The following UHRF1 variants were observed in gnomAD, a reference collection of about 807,000 sequenced individuals.
The protein encoded by UHRF1 is E3 ubiquitin-protein ligase UHRF1.
UHRF1 carries 9 observed loss-of-function variants against 96.5 expected under a neutral mutation model. The ratio of observed to expected loss-of-function variants is 0.09; its 90% CI spans 0.06 to 0.16. The LOEUF is 0.16. Ranked by LOEUF, UHRF1 falls within the 10% of genes least tolerant of loss-of-function variation. The pLI, the probability that UHRF1 is intolerant of heterozygous loss-of-function variation, is 1.00. For synonymous variants in UHRF1, 455 were observed against 469.9 expected (o/e 0.97, Z 0.41); for missense variants, 626 against 1,131.1 (o/e 0.55, Z 6.40).
rs1256569264 is a variant in UHRF1, at chr19:4,930,290, T to C, written c.409-426T>C. Reference sequence around the variant, plus strand: ...GCACCCAGTCTGTTTTATTTTTTAGTAGACACAGCGTCTTACCATGTTGCC... The same window carrying C: ...GCACCCAGTCTGTTTTATTTTTTAGCAGACACAGCGTCTTACCATGTTGCC... On this transcript the variant is annotated intron_variant, in intron 3 of 16. Transcript: ENST00000650932. The surrounding 1 kb of genome is among the most constrained non-coding windows in gnomAD (Gnocchi z 4.4). Among the ~76,000 whole-genome samples, 1 of 152,226 alleles carries C rather than the reference T, an allele frequency of 6.6e-6. No homozygotes were observed. The highest frequency in any genetic ancestry group is 1.5e-5 in the Non-Finnish European group (1 of 68,038).
chr19:4,941,920 C>G lies in UHRF1; in HGVS notation c.1062C>G (p.Ser354Arg). The G allele has an allele frequency of 6.6e-7, 1 of 1,515,258 alleles. No individual in the cohort carries two copies. The highest frequency in any genetic ancestry group is 8.8e-7 in the Non-Finnish European group (1 of 1,131,162). The allele number at this position is 1,515,258 out of a possible 1,614,324, so 93.9% of individuals were successfully genotyped here. A position where few individuals can be genotyped will look rare whatever the true frequency, so the allele number is the denominator to read the frequency against. The change falls in exon 7 of 17, where the codon AGC becomes AGG. Residue 354 changes from serine to arginine, a missense_variant. Around this residue, in one of 11 missense-constraint regions of UHRF1, gnomAD observed 69 missense variants for 159.8 expected, o/e 0.43. Transcript: ENST00000650932. ...CLDPPLSSVP[S>R]EDEWYCPECR... ...ACCCGCCCCTCAGCAGTGTTCCCAG[C>G]GAGGACGAGTGGTGAGTGCGGCCCT...
chr19:4,951,036 G>T, intron 13 of UHRF1, 40 bp downstream of exon 13: 2 of 1,546,572 alleles, frequency 1.3e-6, no homozygotes, highest in South Asian at 1.2e-5. Flanking sequence ...GGAGGCCAAG[G>T]CGGATGGATC....
intron 15 of UHRF1, among the ~76,000 whole-genome samples, chr19:4,956,463 C>T (rs186485259): frequency 7.9e-4 from 121 of 152,350 alleles, no homozygotes; most frequent in Non-Finnish European, 1.6e-3. Context: ...TTGAGGCTGG[C>T]GCCCTTGTAC....
chr19:4,954,575 A>G lies in UHRF1; in HGVS notation c.1958-75A>G. Reference sequence around the variant, plus strand: ...CGGGTGTGGGGTTGAGGTCGTGTGGACGTGGGAGCCGGTGGCTGTCTCTCC... The same window carrying G: ...CGGGTGTGGGGTTGAGGTCGTGTGGGCGTGGGAGCCGGTGGCTGTCTCTCC... On this transcript the variant is annotated intron_variant, in intron 14 of 16. Transcript: ENST00000650932. This position sits in a 1 kb window ranked among gnomAD's most constrained non-coding sequence, Gnocchi z 5.9. 2.5e-6 allele frequency: 4 copies of G among 1,589,266 alleles called. No individual in the cohort carries two copies. Among genetic ancestry groups the G allele is most frequent in the Non-Finnish European group, 3.4e-6 (4 of 1,166,430 alleles).
chr19:4,930,881 G>A lies in UHRF1; in HGVS notation c.569+5G>A. 1 of 1,613,734 alleles carries A rather than the reference G, an allele frequency of 6.2e-7. No homozygotes were observed. Among genetic ancestry groups the A allele is most frequent in the Non-Finnish European group, 8.5e-7 (1 of 1,179,770 alleles). ...TTACCACGTGAAATACGACGAGTGA[G>A]TCATGGCAGGTGGGCGGGCCTGGGT... On this transcript the variant is annotated splice_donor_5th_base_variant and intron_variant, in intron 4 of 16. Transcript: ENST00000650932. The surrounding 1 kb of genome is among the most constrained non-coding windows in gnomAD (Gnocchi z 4.4).
intron 15 of UHRF1, among the ~76,000 whole-genome samples, chr19:4,955,170 GC>G (rs2033825179): frequency 6.6e-6 from 1 of 152,098 alleles, no homozygotes; most frequent in Admixed American, 6.5e-5. Context: ...GTGACCCCAA[GC>G]CTAGGAGTGC....
chr19:4,933,345 A>G (rs1002061900), intron 5 of UHRF1, among the ~76,000 whole-genome samples: 9 of 151,986 alleles, frequency 5.9e-5, no homozygotes, highest in Non-Finnish European at 1.3e-4. Flanking sequence ...CCTCCCGAGT[A>G]GCTGGGACTA....
intron 2 of UHRF1, 110 bp from the exon 3 acceptor site, chr19:4,929,112 G>GC (rs5826865): frequency 0.2 from 262,337 of 1,280,324 alleles, 9,470 homozygotes; most frequent in Non-Finnish European, 0.22. Flanking sequence ...GATGCAGATT[G>GC]CCCCCCCCCC....
intron 2 of UHRF1, among the ~76,000 whole-genome samples, chr19:4,918,320 C>T (rs1288543706): frequency 1.3e-5 from 2 of 151,920 alleles, no homozygotes; most frequent in African/African-American, 4.8e-5. Context: ...CGGGGTTTCA[C>T]CACGTTGGCC....
intron 1 of UHRF1, among the ~76,000 whole-genome samples, chr19:4,904,439 A>G (rs2032022050): frequency 6.6e-6 from 1 of 152,148 alleles, no homozygotes; most frequent in African/African-American, 2.4e-5. Flanking sequence ...TTGGCCTCCC[A>G]AAGTGCTGGG....
chr19:4,953,403 G>A (rs1382642364), intron 13 of UHRF1, among the ~76,000 whole-genome samples: 1 of 152,076 alleles, frequency 6.6e-6, no homozygotes, highest in African/African-American at 2.4e-5. Context: ...CCTCTCTTTC[G>A]CATCTTAGGC....
chr19:4,915,696 C>G (rs964067384), intron 2 of UHRF1, among the ~76,000 whole-genome samples: 1 of 151,872 alleles, frequency 6.6e-6, no homozygotes, highest in African/African-American at 2.4e-5. Flanking sequence ...GGCGACAGAG[C>G]AAGACTCCGT....
At chr19:4,936,538 C>T (rs914333673) in intron 5 of UHRF1, among the ~76,000 whole-genome samples, 5 of 152,180 alleles carry the variant, frequency 3.3e-5, no homozygotes, top group African/African-American at 1.2e-4. Context: ...CCAGGGCTGA[C>T]TTCTAAATGC....
intron 10 of UHRF1, among the ~76,000 whole-genome samples, chr19:4,946,270 C>T (rs944191896): frequency 1.3e-5 from 2 of 151,890 alleles, no homozygotes; most frequent in African/African-American, 4.8e-5. Context: ...GGAGTGGAAT[C>T]GCACGGCCTG....
intron 2 of UHRF1, among the ~76,000 whole-genome samples, chr19:4,927,380 C>CAAAAAA (rs35783129): frequency 1.2e-5 from 1 of 83,500 alleles, no homozygotes; most frequent in Non-Finnish European, 2.2e-5. Context: ...GACTCCATCT[C>CAAAAAA]AAAAAAAAAA....
intron 5 of UHRF1, among the ~76,000 whole-genome samples, chr19:4,937,749 C>A (rs1341528104): frequency 6.6e-6 from 1 of 152,160 alleles, no homozygotes; most frequent in Non-Finnish European, 1.5e-5. Context: ...TTGGTCAATA[C>A]CAGCCTTATA....
chr19:4,958,635 T>C (rs1233298548), intron 16 of UHRF1, among the ~76,000 whole-genome samples: 1 of 152,074 alleles, frequency 6.6e-6, no homozygotes, highest in Non-Finnish European at 1.5e-5. Context: ...ATCGGAGGGG[T>C]TCTGGGAAAC....
intron 13 of UHRF1, among the ~76,000 whole-genome samples, chr19:4,953,254 C>G (rs1396371039): frequency 6.6e-6 from 1 of 152,172 alleles, no homozygotes. Context: ...CCCCCCCTTA[C>G]CAGGGGGACA....
In UHRF1 at chr19:4,952,393, CTTTTTTTTTT is replaced by C. The variant is rs150183272; in HGVS notation, c.1818+1407_1818+1416del. ...ACAGGCGTAAGCCACCGCTCCCAGC[CTTTTTTTTTT>C]TTTTTTTTTGGAGACAGAGTCTCAC... On this transcript the variant is annotated intron_variant, in intron 13 of 16. Coordinates refer to ENST00000650932, the MANE Select transcript of UHRF1 (RefSeq NM_001048201.3). Among the ~76,000 whole-genome samples the C allele has an allele frequency of 1.9e-4, 16 of 82,528 alleles. No individual in the cohort carries two copies. In the South Asian group the frequency reaches 6.6e-3, roughly 34 times the overall value. 54.1% of individuals were successfully genotyped at this position (82,528 alleles called of 152,430 possible).
Sources: gnomAD v4.1 joint callset for allele counts (sites outside exome capture counted in the v4.1 genomes callset) on GRCh38, gnomAD v4.1.1 for gene constraint, gnomAD v4.1.1 regional missense constraint, Gnocchi (gnomAD v3.1) non-coding constraint, MANE v1.5 for transcripts, NCBI Gene and HGNC (gene_info 2026-07-23, HGNC 2026-07-21) for gene names.